The following NECAB1 variants were observed in gnomAD, a reference collection of about 807,000 sequenced individuals.
NECAB1 encodes N-terminal EF-hand calcium binding protein 1, also known as N-terminal EF-hand calcium-binding protein 1.
In NECAB1, 29 loss-of-function variants were observed where a neutral mutation model predicts 57.5. The ratio of observed to expected loss-of-function variants is 0.50; its 90% CI spans 0.38 to 0.69. The LOEUF is 0.69. NECAB1 is among the 30% of genes least tolerant of loss of function. The probability of loss-of-function intolerance (pLI) is 0.00; values close to 1 mark genes in which losing one functional copy is unlikely to be tolerated. For synonymous variants in NECAB1, 142 were observed against 147.7 expected (o/e 0.96, Z 0.28); for missense variants, 372 against 413.8 (o/e 0.90, Z 0.88).
At chr8:90,858,615 C>T (rs1006181149) in intron 3 of NECAB1, among the ~76,000 whole-genome samples, 1 of 148,026 alleles carries the variant, frequency 6.8e-6, no homozygotes, top group Admixed American at 6.7e-5. Context: ...AAAAAATTCA[C>T]AATTTGAAGA....
intron 1 of NECAB1, among the ~76,000 whole-genome samples, chr8:90,798,914 A>G (rs1811714529): frequency 1.3e-5 from 2 of 152,174 alleles, no homozygotes; most frequent in Non-Finnish European, 2.9e-5. Context: ...CATCCCCACC[A>G]ACTGTATATA....
intron 3 of NECAB1, among the ~76,000 whole-genome samples, chr8:90,832,489 G>A (rs567204112): frequency 2.0e-5 from 3 of 152,168 alleles, no homozygotes; most frequent in African/African-American, 7.2e-5. Flanking sequence ...TTTGGAAAAA[G>A]AAAAACTGGT....
chr8:90,827,556 A>C (rs1240925939), intron 3 of NECAB1, among the ~76,000 whole-genome samples: 1 of 152,030 alleles, frequency 6.6e-6, no homozygotes, highest in African/African-American at 2.4e-5. Context: ...ACCCAATCAC[A>C]GTCCTGCCAT....
At chr8:90,874,318 G>A (rs117087068) in intron 4 of NECAB1, among the ~76,000 whole-genome samples, 3,420 of 152,114 alleles carry the variant, frequency 0.022, 52 homozygotes, top group Non-Finnish European at 0.033. Context: ...TAATTCTGAG[G>A]CTTTTACTTA....
At chr8:90,878,656 T>C (rs1808772898) in intron 4 of NECAB1, among the ~76,000 whole-genome samples, 1 of 152,086 alleles carries the variant, frequency 6.6e-6, no homozygotes, top group Admixed American at 6.6e-5. Context: ...GTGATTGTTC[T>C]TTTTTTCTAA....
At chr8:90,846,585 G>A (rs1812562734) in intron 3 of NECAB1, among the ~76,000 whole-genome samples, 1 of 152,170 alleles carries the variant, frequency 6.6e-6, no homozygotes, top group Non-Finnish European at 1.5e-5. Context: ...AAAGATTTAA[G>A]ATAGTGTATT....
intron 5 of NECAB1, among the ~76,000 whole-genome samples, chr8:90,894,287 A>AT: frequency 6.6e-6 from 1 of 152,260 alleles, no homozygotes; most frequent in East Asian, 1.9e-4. Flanking sequence ...GAATAAAACT[A>AT]TTTTCACTTC....
At chr8:90,884,688 C>T (rs1266233011) in intron 5 of NECAB1, among the ~76,000 whole-genome samples, 3 of 152,182 alleles carry the variant, frequency 2.0e-5, no homozygotes, top group Non-Finnish European at 4.4e-5. Flanking sequence ...TATCCTTGGA[C>T]TTCAGAGCAA....
chr8:90,905,378 G>A (rs1351935560), intron 5 of NECAB1, among the ~76,000 whole-genome samples: 1 of 152,120 alleles, frequency 6.6e-6, no homozygotes, highest in Non-Finnish European at 1.5e-5. Context: ...TTAGTGCAGT[G>A]GTTCAAGAGG....
intron 8 of NECAB1, among the ~76,000 whole-genome samples, chr8:90,931,056 CT>C (rs1027821035): frequency 2.0e-5 from 3 of 151,894 alleles, no homozygotes; most frequent in East Asian, 3.9e-4. Flanking sequence ...TGTGACATTT[CT>C]TTTTTTTCTA....
intron 9 of NECAB1, 125 bp from the exon 10 acceptor site, chr8:90,940,661 C>T: frequency 1.4e-6 from 1 of 692,812 alleles, no homozygotes; most frequent in Non-Finnish European, 2.5e-6. Context: ...TCATGGCCTT[C>T]CTTGGTCATA....
chr8:90,833,757 G>A (rs16905427), intron 3 of NECAB1, among the ~76,000 whole-genome samples: 18,255 of 152,088 alleles, frequency 0.12, 1,801 homozygotes, highest in African/African-American at 0.27. Flanking sequence ...TGCTCACTTC[G>A]TGGACAGTAT....
At chr8:90,888,129 T>A (rs1398863324) in intron 5 of NECAB1, among the ~76,000 whole-genome samples, 1 of 152,214 alleles carries the variant, frequency 6.6e-6, no homozygotes, top group African/African-American at 2.4e-5. Context: ...TAATTTCAAA[T>A]AGCCATTTTT....
intron 12 of NECAB1, among the ~76,000 whole-genome samples, chr8:90,953,273 A>C (rs1810956093): frequency 6.6e-6 from 1 of 152,200 alleles, no homozygotes; most frequent in Admixed American, 6.5e-5. Flanking sequence ...AATGTGGACT[A>C]ATCTGATAGT....
chr8:90,838,157 T>C (rs1479905236), intron 3 of NECAB1, among the ~76,000 whole-genome samples: 2 of 152,212 alleles, frequency 1.3e-5, no homozygotes, highest in Non-Finnish European at 2.9e-5. Context: ...ATTGAAACTA[T>C]TCACTAGAGT....
chr8:90,836,990 A>G (rs911745792), intron 3 of NECAB1, among the ~76,000 whole-genome samples: 1 of 152,210 alleles, frequency 6.6e-6, no homozygotes, highest in Non-Finnish European at 1.5e-5. Flanking sequence ...TTCTATCTCT[A>G]TGCTTGTCTT....
chr8:90,824,415 G>GTCACAT (rs1812192200), intron 2 of NECAB1, among the ~76,000 whole-genome samples: 3 of 151,752 alleles, frequency 2.0e-5, no homozygotes, highest in Admixed American at 6.6e-5. Context: ...TGGTTATGTG[G>GTCACAT]ACATCTTTCT....
Position 90,828,524 on chromosome 8 carries a change from T to G in NECAB1, c.233+3699T>G, listed in dbSNP as rs146558902. ...CTTGTTTGTTGCTGTATTAGAATCC[T>G]TGTATAGTGACTGTTTGCCAGAATT... On this transcript the variant is annotated intron_variant, in intron 3 of 12. Coordinates refer to ENST00000417640, the MANE Select transcript of NECAB1 (RefSeq NM_022351.5). Among the ~76,000 whole-genome samples, 729 of 152,140 alleles carry G rather than the reference T, an allele frequency of 4.8e-3. 10 individuals carry two copies. Among genetic ancestry groups the G allele is most frequent in the African/African-American group, 0.017 (691 of 41,546 alleles).
At chr8:90,942,807 C>T (rs914669862) in intron 10 of NECAB1, among the ~76,000 whole-genome samples, 4 of 151,966 alleles carry the variant, frequency 2.6e-5, no homozygotes, top group Non-Finnish European at 5.9e-5. Flanking sequence ...GCTTGAACCC[C>T]GGAGGCGGAG....
Sources: gnomAD v4.1 joint callset for allele counts (sites outside exome capture counted in the v4.1 genomes callset) on GRCh38, gnomAD v4.1.1 for gene constraint, MANE v1.5 for transcripts, NCBI Gene and HGNC (gene_info 2026-07-23, HGNC 2026-07-21) for gene names.